The following GLRX2 variants were observed in gnomAD, a reference collection of about 807,000 sequenced individuals.
GLRX2 encodes the protein bA101E13.1 (GRX2 glutaredoxin (thioltransferase) 2).
A neutral mutation model predicts 16.4 loss-of-function variants in GLRX2; 12 were observed. The observed-to-expected ratio is 0.73, with a 90% CI of 0.47 to 1.19. GLRX2 has a LOEUF of 1.19. Among genes scored for constraint, GLRX2 ranks in the 50% most tolerant of loss-of-function variants. The probability of loss-of-function intolerance (pLI) is 0.00; values close to 1 mark genes in which losing one functional copy is unlikely to be tolerated. For synonymous variants in GLRX2, 95 were observed against 76.2 expected (o/e 1.25, Z -1.28); for missense variants, 201 against 201.8 (o/e 1.00, Z 0.02).
chr1:193,105,850 A>C, upstream of GLRX2: 1 of 1,252,486 alleles, frequency 8.0e-7, no homozygotes, highest in Non-Finnish European at 1.0e-6. Flanking sequence ...GCCTAAATAT[A>C]TCCTCTTATA....
chr1:193,098,542 CA>C (rs1300287882), intron 2 of GLRX2, among the ~76,000 whole-genome samples: 3 of 151,822 alleles, frequency 2.0e-5, no homozygotes, highest in African/African-American at 7.3e-5. Flanking sequence ...AACAAACAAA[CA>C]AAAAAACCAA....
chr1:193,102,086 G>A (rs1236441045), intron 1 of GLRX2, among the ~76,000 whole-genome samples: 2 of 152,066 alleles, frequency 1.3e-5, no homozygotes, highest in East Asian at 3.9e-4. Flanking sequence ...AGAGGATTAT[G>A]ACATATAATA....
At position 193,105,074 on chromosome 1, in the gene GLRX2, A is replaced by T. The variant is rs540251183; in HGVS notation, c.119+190T>A. 2.7e-4 allele frequency among the ~76,000 whole-genome samples: 41 copies of T among 152,338 alleles called. 1 individual carries two copies. The South Asian group carries it at 7.5e-3, about 28-fold the overall frequency. ...AGAGTCACAGGCTCCTGAAGTCAGC[A>T]CAGCCGCGGAGGGCACCCTTCCCTG... On this transcript the variant is annotated intron_variant, in intron 1 of 3. Coordinates refer to ENST00000367439, the MANE Select transcript of GLRX2 (RefSeq NM_197962.3).
At chr1:193,105,459 C>CAGTTGAAACTGT, upstream of GLRX2, 3 of 1,449,826 alleles carry the variant, frequency 2.1e-6, no homozygotes, top group South Asian at 4.3e-5. Context: ...CCGGCCCGGC[C>CAGTTGAAACTGT]CCCGCCTTGC....
chr1:193,101,399 C>T (rs1158091191), intron 1 of GLRX2, among the ~76,000 whole-genome samples, 195 bp from the exon 2 acceptor site: 1 of 152,180 alleles, frequency 6.6e-6, no homozygotes, highest in Non-Finnish European at 1.5e-5. Flanking sequence ...GGCCTGTGTG[C>T]TTATGTAACT....
intron 3 of GLRX2, among the ~76,000 whole-genome samples, chr1:193,097,333 C>T (rs1054426303): frequency 3.3e-5 from 5 of 152,192 alleles, no homozygotes; most frequent in African/African-American, 1.2e-4. Context: ...CCAAGAGGAA[C>T]TCAAAGATCC....
intron 3 of GLRX2, among the ~76,000 whole-genome samples, 173 bp from the exon 4 acceptor site, chr1:193,096,932 G>A (rs893759905): frequency 1.3e-5 from 2 of 152,156 alleles, no homozygotes; most frequent in African/African-American, 4.8e-5. Context: ...ATTATTTTTA[G>A]CCCTGTTTTG....
upstream of GLRX2, chr1:193,105,535 G>A (rs1356459456): frequency 3.2e-6 from 5 of 1,573,314 alleles, no homozygotes; most frequent in Non-Finnish European, 3.4e-6. Flanking sequence ...AGCTGAGCGC[G>A]TCCTCCCAGG....
intron 2 of GLRX2, 80 bp downstream of exon 2, chr1:193,101,061 T>C (rs922529883): frequency 4.8e-5 from 41 of 859,394 alleles, no homozygotes; most frequent in Non-Finnish European, 7.4e-5. Flanking sequence ...GTTTGGATAT[T>C]GAATAAGCAT....
chr1:193,096,697 G>C lies in GLRX2; in HGVS notation c.423C>G (p.His141Gln), dbSNP rs540518012. The C allele has an allele frequency of 6.2e-7, 1 of 1,607,410 alleles. No individual in the cohort carries two copies. Among genetic ancestry groups the C allele is most frequent in the East Asian group, 2.2e-5 (1 of 44,752 alleles). Reference sequence around the variant, plus strand: ...CTAGTGGGAGCAATTTTCCTTCTTTGTGAAGCCTATGAGTGTCAGTTGCAC... The same window carrying C: ...CTAGTGGGAGCAATTTTCCTTCTTTCTGAAGCCTATGAGTGTCAGTTGCAC... ...IGGATDTHRL[H>Q]KEGKLLPLVH... Residue 141 changes from histidine to glutamine, a missense_variant, in exon 4 of 4, where the codon CAC becomes CAG. Coordinates refer to ENST00000367439, the MANE Select transcript of GLRX2 (RefSeq NM_197962.3).
upstream of GLRX2, chr1:193,105,508 G>A (rs374740662): frequency 6.0e-4 from 875 of 1,449,174 alleles, 7 homozygotes; most frequent in African/African-American, 0.011. Context: ...CCGCGCCGCC[G>A]CCGGTCACCT....
chr1:193,104,614 AGGCACCAGCCGCGC>A (rs1675147249), intron 1 of GLRX2, among the ~76,000 whole-genome samples: 1 of 152,258 alleles, frequency 6.6e-6, no homozygotes, highest in African/African-American at 2.4e-5. Context: ...CAGGACCGCC[AGGCACCAGCCGCGC>A]GGGCGTGGGC....
chr1:193,100,695 AAAAG>A (rs1675057422), intron 2 of GLRX2, among the ~76,000 whole-genome samples: 1 of 152,214 alleles, frequency 6.6e-6, no homozygotes, highest in African/African-American at 2.4e-5. Flanking sequence ...GCTTCTCAGT[AAAAG>A]AAAGAGGAAA....
upstream of GLRX2, chr1:193,105,746 G>A: frequency 7.1e-7 from 1 of 1,407,170 alleles, no homozygotes; most frequent in Non-Finnish European, 9.3e-7. Context: ...GGAAACGGAG[G>A]AGAAAAAACA....
At chr1:193,103,873 A>G (rs1051407560) in intron 1 of GLRX2, among the ~76,000 whole-genome samples, 1 of 152,132 alleles carries the variant, frequency 6.6e-6, no homozygotes, top group African/African-American at 2.4e-5. Context: ...AGCTAGGGAG[A>G]CTGCAGCCAA....
In GLRX2 at chr1:193,101,058, T is replaced by A. The variant is rs1675064569; in HGVS notation, c.183+83A>T. On this transcript the variant is annotated intron_variant, in intron 2 of 3. Transcript: ENST00000367439. ...TTTGCTAAACTATCTCAAGTTTGGA[T>A]ATTGAATAAGCATATTAAATATATA... 2.1e-5 allele frequency: 18 copies of A among 838,008 alleles called. No homozygotes were observed. The South Asian group carries it at 2.5e-4, about 12-fold the overall frequency. 51.9% of individuals were successfully genotyped at this position (838,008 alleles called of 1,614,324 possible).
Position 193,105,405 on chromosome 1 carries a change from GAGC to G in GLRX2, c.-26_-24del. ...CATGGTCAGAGCCCGGATCTGCAGC[GAGC>G]TCTACTGCCGGACACCGCGGATCCC... On this transcript the variant is annotated 5_prime_UTR_variant, in exon 1 of 4. Transcript: ENST00000367439. 1 of 1,515,394 alleles carries G rather than the reference GAGC, an allele frequency of 6.6e-7. No homozygotes were observed. Among genetic ancestry groups the G allele is most frequent in the South Asian group, 1.2e-5 (1 of 81,018 alleles). 93.9% of individuals were successfully genotyped at this position (1,515,394 alleles called of 1,614,324 possible). A position where few individuals can be genotyped will look rare whatever the true frequency, so the allele number is the denominator to read the frequency against.
rs772478431 is a variant in GLRX2 at position 193,105,351 on chromosome 1, GT to G, written c.31del (p.Thr11ArgfsTer42). Reference protein sequence around the residue: MIWRRAALAGTRLVWSRSGSA... With the variant: MIWRRAALAGXRLVWSRSGSA... ...GCCGCTCCTGCTCCAAACCAGCCGC[GT>G]CCCCGCCAGCGCCGCGCGGCGCCAA... On this transcript the variant is annotated frameshift_variant, in exon 1 of 4. Coordinates refer to ENST00000367439, the MANE Select transcript of GLRX2 (RefSeq NM_197962.3). LOFTEE classifies it high-confidence loss of function. 24 of 1,547,294 alleles carry G rather than the reference GT, an allele frequency of 1.6e-5. No homozygotes were observed. The highest frequency in any genetic ancestry group is 1.7e-5 in the Non-Finnish European group (20 of 1,156,660).
rs375644491 is a variant in GLRX2 at position 193,100,708 on chromosome 1, A to G, written c.183+433T>C. On this transcript the variant is annotated intron_variant, in intron 2 of 3. Coordinates refer to ENST00000367439, the MANE Select transcript of GLRX2 (RefSeq NM_197962.3). ...AAGCTTCTCAGTAAAAGAAAGAGGA[A>G]AAGAAGTCCTATCCCTGAGAGGATG... 9.8e-5 allele frequency among the ~76,000 whole-genome samples: 15 copies of G among 152,312 alleles called. No homozygotes were observed. In the East Asian group the frequency reaches 2.3e-3, roughly 24 times the overall value.
Sources: allele counts gnomAD v4.1 joint callset (sites outside exome capture counted in the v4.1 genomes callset), GRCh38; gene constraint gnomAD v4.1.1; transcripts MANE v1.5; gene names NCBI Gene and HGNC (gene_info 2026-07-23, HGNC 2026-07-21).